The following BRD4 variants were observed in gnomAD, a reference collection of about 807,000 sequenced individuals.
The protein encoded by BRD4 is bromodomain containing 4.
BRD4 carries 16 observed loss-of-function variants against 142.1 expected under a neutral mutation model. That is an observed-to-expected ratio of 0.11 (90% confidence interval 0.08 to 0.17). BRD4 has a LOEUF of 0.17. Among genes scored for constraint, BRD4 ranks in the 10% least tolerant of loss-of-function variants. The probability of loss-of-function intolerance (pLI) is 1.00; values close to 1 mark genes in which losing one functional copy is unlikely to be tolerated. For synonymous variants in BRD4, 833 were observed against 707.5 expected (o/e 1.18, Z -2.82); for missense variants, 1,424 against 1,810.9 (o/e 0.79, Z 3.88).
chr19:15,294,056 A>G (rs1173648817), intron 1 of BRD4, among the ~76,000 whole-genome samples: 2 of 152,240 alleles, frequency 1.3e-5, no homozygotes, highest in African/African-American at 2.4e-5. Flanking sequence ...TTTGTAGGCT[A>G]ATGAGTAGAC....
chr19:15,261,879 ACCC>A, intron 7 of BRD4, among the ~76,000 whole-genome samples: 1 of 152,114 alleles, frequency 6.6e-6, no homozygotes, highest in East Asian at 1.9e-4. Context: ...GCAGAATGAC[ACCC>A]CGTTTCCAAA....
At chr19:15,316,406 G>A (rs113413783) in intron 1 of BRD4, among the ~76,000 whole-genome samples, 30,825 of 151,570 alleles carry the variant, frequency 0.2, 3,362 homozygotes, top group African/African-American at 0.28. Flanking sequence ...CCTGGCCAAC[G>A]TGGTGAAACC....
At chr19:15,325,274 G>T (rs1297846030) in intron 1 of BRD4, among the ~76,000 whole-genome samples, 12 of 152,198 alleles carry the variant, frequency 7.9e-5, no homozygotes. Context: ...TCTAACCGAG[G>T]CCTGAATGTG....
At chr19:15,257,283 CG>C in intron 7 of BRD4, 110 bp from the exon 8 acceptor site, 1 of 1,061,676 alleles carries the variant, frequency 9.4e-7, no homozygotes, top group South Asian at 1.6e-5. Flanking sequence ...CAACCGAGGG[CG>C]AAAGAGGATG....
At chr19:15,275,387 G>A (rs923949987) in intron 1 of BRD4, among the ~76,000 whole-genome samples, 3 of 152,184 alleles carry the variant, frequency 2.0e-5, no homozygotes, top group African/African-American at 7.2e-5. Context: ...GCAGAGAGAA[G>A]TACCTGACCC....
At chr19:15,320,068 G>A (rs746057261) in intron 1 of BRD4, among the ~76,000 whole-genome samples, 53 of 152,130 alleles carry the variant, frequency 3.5e-4, no homozygotes, top group South Asian at 8.3e-4. Context: ...ATGCCTATGT[G>A]CATTTTTGTG....
At chr19:15,311,183 T>C (rs1350070258) in intron 1 of BRD4, among the ~76,000 whole-genome samples, 2 of 151,988 alleles carry the variant, frequency 1.3e-5, no homozygotes, top group Admixed American at 6.6e-5. Context: ...TCCCAGCTAC[T>C]TGAGAGGCTG....
At chr19:15,327,539 G>A (rs1220889956) in intron 1 of BRD4, among the ~76,000 whole-genome samples, 3 of 151,810 alleles carry the variant, frequency 2.0e-5, no homozygotes, top group Non-Finnish European at 2.9e-5. Flanking sequence ...GCAAGACTCC[G>A]TCTCGAAAAA....
intron 11 of BRD4, chr19:15,249,228 G>A (rs2145538954): frequency 1.2e-6 from 2 of 1,613,886 alleles, no homozygotes; most frequent in Non-Finnish European, 8.5e-7. Flanking sequence ...ATAGCTTGCT[G>A]GGAAGGAATC....
intron 1 of BRD4, among the ~76,000 whole-genome samples, chr19:15,298,424 T>TCAAGACCAGCCTGCC (rs2047840900): frequency 2.6e-5 from 4 of 151,522 alleles, no homozygotes; most frequent in Admixed American, 6.6e-5. Context: ...GATCACGAGC[T>TCAAGACCAGCCTGCC]CAGGAGATCA....
intron 1 of BRD4, among the ~76,000 whole-genome samples, chr19:15,280,917 T>C (rs2047698741): frequency 6.6e-6 from 1 of 152,250 alleles, no homozygotes; most frequent in Non-Finnish European, 1.5e-5. Flanking sequence ...TCTTATCTTG[T>C]CCTAGAAACA....
Position 15,239,267 on chromosome 19 carries a change from G to A in BRD4, c.3577-3C>T, listed in dbSNP as rs1179849001. The stretch of plus-strand genomic sequence containing the variant: ...CCCATGTTCTTGATTTTCAGGTCCT[G>A]CAGAACAGAGAGGTTGGGGTGGGTG... On this transcript the variant is annotated splice_polypyrimidine_tract_variant and splice_region_variant and intron_variant, in intron 17 of 19. Transcript: ENST00000679869. This position sits in a 1 kb window ranked among gnomAD's most constrained non-coding sequence, Gnocchi z 7.4. The A allele has an allele frequency of 6.2e-7, 1 of 1,613,112 alleles. No homozygotes were observed. The highest frequency in any genetic ancestry group is 2.2e-5 in the East Asian group (1 of 44,876).
At chr19:15,279,913 A>T (rs774494779) in intron 1 of BRD4, among the ~76,000 whole-genome samples, 22 of 152,210 alleles carry the variant, frequency 1.4e-4, no homozygotes, top group Non-Finnish European at 2.4e-4. Context: ...GTGATGGAGC[A>T]CACAGGTAGA....
At chr19:15,261,385 A>G (rs1260416249) in intron 7 of BRD4, among the ~76,000 whole-genome samples, 1 of 152,090 alleles carries the variant, frequency 6.6e-6, no homozygotes, top group East Asian at 1.9e-4. Flanking sequence ...CAGGAGGCTG[A>G]GGCAGGAGAA....
chr19:15,299,040 G>C (rs1387219110), intron 1 of BRD4, among the ~76,000 whole-genome samples: 1 of 152,210 alleles, frequency 6.6e-6, no homozygotes, highest in African/African-American at 2.4e-5. Flanking sequence ...CTTGCAGTAA[G>C]TGGGCACATG....
At chr19:15,310,348 A>C (rs2047956916) in intron 1 of BRD4, among the ~76,000 whole-genome samples, 1 of 70,168 alleles carries the variant, frequency 1.4e-5, no homozygotes, top group Admixed American at 2.5e-4. Flanking sequence ...TGTCCGGCTG[A>C]TTTTTGGATT....
At chr19:15,302,216 A>C (rs1275862641) in intron 1 of BRD4, among the ~76,000 whole-genome samples, 1 of 152,096 alleles carries the variant, frequency 6.6e-6, no homozygotes, top group Non-Finnish European at 1.5e-5. Flanking sequence ...GAGAATAAAC[A>C]AACCACATGC....
At position 15,267,584 on chromosome 19, in the gene BRD4, G is replaced by C. The variant is rs201302971; in HGVS notation, c.424-33C>G. On this transcript the variant is annotated intron_variant, in intron 3 of 19. Coordinates refer to ENST00000679869, the MANE Select transcript of BRD4 (RefSeq NM_001379291.1). ...AGGAGACACAGGGGTAGAGTCAGAG[G>C]GCCCTCCCCTCCCCACCTCTGTAGA... The C allele has an allele frequency of 1.4e-5, 22 of 1,606,092 alleles. No homozygotes were observed. The South Asian group carries it at 1.8e-4, about 13-fold the overall frequency.
chr19:15,246,965 A>G, intron 11 of BRD4: 1 of 178,510 alleles, frequency 5.6e-6, no homozygotes, highest in Non-Finnish European at 1.2e-5. Flanking sequence ...AGTAAAAGAC[A>G]AGACAGGAAG....
Sources: allele counts gnomAD v4.1 joint callset (sites outside exome capture counted in the v4.1 genomes callset), GRCh38; gene constraint gnomAD v4.1.1; non-coding constraint Gnocchi (gnomAD v3.1); transcripts MANE v1.5; gene names NCBI Gene and HGNC (gene_info 2026-07-23, HGNC 2026-07-21).